The following EYS variants were observed in gnomAD, a reference collection of about 807,000 sequenced individuals.
EYS encodes the protein EGF-like photoreceptor maintenance factor.
In EYS, 250 loss-of-function variants were observed where a neutral mutation model predicts 282.1. The ratio of observed to expected loss-of-function variants is 0.89; its 90% CI spans 0.80 to 0.98. The LOEUF (loss-of-function observed/expected upper bound fraction) is 0.98. Among genes scored for constraint, EYS ranks in the 50% least tolerant of loss-of-function variants. EYS has a pLI of 0.00. For missense variants in EYS, 4,016 were observed against 3,709.0 expected, an observed-to-expected ratio of 1.08 and a Z score of -2.15; for synonymous variants, 1,355 against 1,282.9, an observed-to-expected ratio of 1.06 and a Z score of -1.20.
At chr6:63,807,288 G>A (rs908334734) in intron 36 of EYS, among the ~76,000 whole-genome samples, 6 of 152,156 alleles carry the variant, frequency 3.9e-5, no homozygotes, top group Non-Finnish European at 8.8e-5. Context: ...GGGACAGCTC[G>A]GTTGAGGAAA....
intron 22 of EYS, among the ~76,000 whole-genome samples, chr6:64,686,133 T>C (rs1388253566): frequency 6.6e-6 from 1 of 150,776 alleles, no homozygotes; most frequent in African/African-American, 2.4e-5. Context: ...GTTAAAGCAG[T>C]GCTTAGGGAA....
intron 22 of EYS, among the ~76,000 whole-genome samples, chr6:64,751,262 G>A (rs531826357): frequency 5.9e-5 from 9 of 152,254 alleles, no homozygotes; most frequent in Admixed American, 2.6e-4. Context: ...CCCCTCCCAC[G>A]CAGAGGAGTT....
Position 65,535,425 on chromosome 6 carries a change from G to T in EYS, c.-332-39432C>A, listed in dbSNP as rs562186176. ...CGAGATCTGATGGTTTTATAGATGGGAGTTCCCCTGCACAAGCCCTCTTGC... is the reference window on the plus strand; with the variant it reads ...CGAGATCTGATGGTTTTATAGATGGTAGTTCCCCTGCACAAGCCCTCTTGC... On this transcript the variant is annotated intron_variant, in intron 2 of 42. Transcript: ENST00000503581. 1.2e-3 allele frequency among the ~76,000 whole-genome samples: 190 copies of T among 152,126 alleles called. 1 individual carries two copies. The highest frequency in any genetic ancestry group is 1.8e-3 in the Non-Finnish European group (120 of 67,992).
chr6:65,293,731 G>A (rs924808687), intron 12 of EYS, among the ~76,000 whole-genome samples: 1 of 151,844 alleles, frequency 6.6e-6, no homozygotes, highest in Non-Finnish European at 1.5e-5. Flanking sequence ...CTAACGTGGG[G>A]CCAATAACTG....
intron 14 of EYS, among the ~76,000 whole-genome samples, chr6:64,959,419 T>G (rs1193683533): frequency 1.3e-5 from 2 of 152,202 alleles, no homozygotes; most frequent in Non-Finnish European, 2.9e-5. Context: ...CTTTATTTTT[T>G]GAATTCAGGA....
chr6:65,157,907 G>T (rs146169616), intron 12 of EYS, among the ~76,000 whole-genome samples: 1 of 150,580 alleles, frequency 6.6e-6, no homozygotes, highest in Non-Finnish European at 1.5e-5. Context: ...CATGTATAGC[G>T]TATTGTGCAT....
At chr6:65,451,611 AAC>A (rs1162151870) in intron 5 of EYS, among the ~76,000 whole-genome samples, 1 of 152,030 alleles carries the variant, frequency 6.6e-6, no homozygotes, top group African/African-American at 2.4e-5. Flanking sequence ...AAACTCACAT[AAC>A]TTGGATTTGT....
intron 12 of EYS, among the ~76,000 whole-genome samples, chr6:65,233,124 T>A (rs1766828325): frequency 6.6e-6 from 1 of 152,190 alleles, no homozygotes; most frequent in Admixed American, 6.5e-5. Context: ...GAGCATGTTT[T>A]TAAGAGCTGC....
At chr6:64,190,372 ACT>A (rs1323679151) in intron 31 of EYS, among the ~76,000 whole-genome samples, 1 of 152,178 alleles carries the variant, frequency 6.6e-6, no homozygotes, top group African/African-American at 2.4e-5. Flanking sequence ...AGTCACCACC[ACT>A]GTTTCCATGG....
At chr6:63,873,522 A>T (rs1178754718) in intron 35 of EYS, among the ~76,000 whole-genome samples, 1 of 152,184 alleles carries the variant, frequency 6.6e-6, no homozygotes, top group Non-Finnish European at 1.5e-5. Flanking sequence ...ATGCCCAGTA[A>T]TGGGATCGTT....
intron 31 of EYS, among the ~76,000 whole-genome samples, chr6:64,085,150 G>A (rs1389705920): frequency 2.6e-5 from 4 of 151,824 alleles, no homozygotes; most frequent in African/African-American, 9.7e-5. Context: ...GCTAATTTTT[G>A]CATTTTTAGT....
intron 37 of EYS, among the ~76,000 whole-genome samples, chr6:63,796,716 G>C (rs1264290562): frequency 6.6e-6 from 1 of 152,124 alleles, no homozygotes; most frequent in African/African-American, 2.4e-5. Context: ...TGGACATTTT[G>C]CTAATTTAAG....
At chr6:65,520,556 A>G (rs906614788) in intron 2 of EYS, among the ~76,000 whole-genome samples, 1 of 152,074 alleles carries the variant, frequency 6.6e-6, no homozygotes, top group Non-Finnish European at 1.5e-5. Context: ...GTTATTGCAG[A>G]GGTACAATTA....
chr6:64,650,984 C>A (rs1410620951), intron 22 of EYS, among the ~76,000 whole-genome samples: 1 of 151,980 alleles, frequency 6.6e-6, no homozygotes, highest in Non-Finnish European at 1.5e-5. Context: ...ACCTTATTGT[C>A]TGGCAACTCC....
At chr6:64,808,310 T>A (rs1463745696) in intron 22 of EYS, among the ~76,000 whole-genome samples, 1 of 152,138 alleles carries the variant, frequency 6.6e-6, no homozygotes, top group African/African-American at 2.4e-5. Context: ...TAGCATTTTA[T>A]GGTAACAATT....
chr6:64,772,541 T>A (rs963148491), intron 22 of EYS, among the ~76,000 whole-genome samples: 15 of 151,764 alleles, frequency 9.9e-5, no homozygotes, highest in African/African-American at 2.9e-4. Context: ...TATTTTAAAA[T>A]CTACAGTAAA....
intron 2 of EYS, among the ~76,000 whole-genome samples, chr6:65,500,914 G>A (rs1766426977): frequency 6.6e-6 from 1 of 151,912 alleles, no homozygotes; most frequent in African/African-American, 2.4e-5. Context: ...GATTACGCTT[G>A]GGGGTGGGGG....
chr6:65,649,477 C>T (rs1582562403), intron 1 of EYS, among the ~76,000 whole-genome samples: 1 of 152,068 alleles, frequency 6.6e-6, no homozygotes, highest in African/African-American at 2.4e-5. Flanking sequence ...TACTCTTCAT[C>T]AAACATATAA....
chr6:65,378,061 C>A (rs1293933815), intron 8 of EYS, among the ~76,000 whole-genome samples: 1 of 152,066 alleles, frequency 6.6e-6, no homozygotes, highest in Admixed American at 6.6e-5. Context: ...AGAGCTTCTG[C>A]ACAGCAAAGG....
Sources: gnomAD v4.1 joint callset for allele counts (sites outside exome capture counted in the v4.1 genomes callset) on GRCh38, gnomAD v4.1.1 for gene constraint, MANE v1.5 for transcripts, NCBI Gene and HGNC (gene_info 2026-07-23, HGNC 2026-07-21) for gene names.